Variants in MEP1B observed in about 807,000 individuals in gnomAD.
The protein encoded by MEP1B is N-benzoyl-L-tyrosyl-P-amino-benzoic acid hydrolase subunit beta.
Under a neutral mutation model 84.6 loss-of-function variants are expected in MEP1B, and 80 were observed. The observed-to-expected ratio is 0.95, with a 90% CI of 0.79 to 1.14. The LOEUF (loss-of-function observed/expected upper bound fraction) is 1.14. Among genes scored for constraint, MEP1B ranks in the 50% most tolerant of loss-of-function variants. MEP1B has a pLI of 0.00. For synonymous variants in MEP1B, 273 were observed against 288.1 expected, an observed-to-expected ratio of 0.95 and a Z score of 0.53; for missense variants, 766 against 855.1, an observed-to-expected ratio of 0.90 and a Z score of 1.30.
At position 32,202,910 on chromosome 18, in the gene MEP1B, G is replaced by A; in HGVS notation, c.268G>A (p.Val90Ile). The A allele has an allele frequency of 6.2e-7, 1 of 1,608,294 alleles. No homozygotes were observed. Among genetic ancestry groups the A allele is most frequent in the Non-Finnish European group, 8.5e-7 (1 of 1,175,948 alleles). ...EDSLEMNAKG[V>I]ILNAFERYRL... ...TCCTTCAGAAATGAATGCTAAGGGA[G>A]TTATCCTCAATGCATTTGAACGTTA... Residue 90 changes from valine to isoleucine, a missense_variant, in exon 6 of 15, where the codon GTT becomes ATT. Transcript: ENST00000269202.
In MEP1B at chr18:32,216,985, TC is replaced by T; in HGVS notation, c.1760-4del. 1 of 1,613,750 alleles carries T rather than the reference TC, an allele frequency of 6.2e-7. No homozygotes were observed. Among genetic ancestry groups the T allele is most frequent in the Non-Finnish European group, 8.5e-7 (1 of 1,179,744 alleles). On this transcript the variant is annotated splice_region_variant and splice_polypyrimidine_tract_variant and intron_variant, in intron 12 of 14. Transcript: ENST00000269202. ...TTTCCATCCACACTCTTCCCCATCT[TC>T]CTAGACATATCTCACCTCAACTCTA...
chr18:32,207,508 G>A lies in MEP1B; in HGVS notation c.766+38G>A, dbSNP rs150881840. On this transcript the variant is annotated intron_variant, in intron 8 of 14. Coordinates refer to ENST00000269202, the MANE Select transcript of MEP1B (RefSeq NM_005925.3). ...TTCTTTGAAATGACTTATATTTTCC[G>A]CTGTTATGTAGGAAAAAATGATGGT... 651 of 1,414,712 alleles carry A rather than the reference G, an allele frequency of 4.6e-4. 3 individuals are homozygous for A. The African/African-American group carries it at 7.8e-3, about 17-fold the overall frequency. The allele number at this position is 1,414,712 out of a possible 1,614,324, so 87.6% of individuals were successfully genotyped here.
chr18:32,214,632 T>C (rs1312266770), intron 11 of MEP1B, among the ~76,000 whole-genome samples: 2 of 152,222 alleles, frequency 1.3e-5, no homozygotes, highest in Non-Finnish European at 2.9e-5. Flanking sequence ...AGGTGAATAA[T>C]TCAGTTAATA....
chr18:32,210,058 T>C (rs893876513), intron 9 of MEP1B, among the ~76,000 whole-genome samples: 5 of 152,240 alleles, frequency 3.3e-5, no homozygotes, highest in African/African-American at 1.2e-4. Flanking sequence ...TGTCCAATGG[T>C]AGCTCTTTCC....
At chr18:32,219,046 TG>T (rs1363402241) in intron 14 of MEP1B, among the ~76,000 whole-genome samples, 5 of 152,176 alleles carry the variant, frequency 3.3e-5, no homozygotes, top group African/African-American at 1.2e-4. Flanking sequence ...TCATTCCAAT[TG>T]GAGTCTCTGA....
chr18:32,193,397 G>T (rs1397981539), intron 4 of MEP1B, among the ~76,000 whole-genome samples: 1 of 152,050 alleles, frequency 6.6e-6, no homozygotes, highest in Non-Finnish European at 1.5e-5. Flanking sequence ...GTTTTTTTCA[G>T]TGTTCTCTCA....
At chr18:32,212,152 G>A (rs1196568686) in intron 10 of MEP1B, among the ~76,000 whole-genome samples, 2 of 150,344 alleles carry the variant, frequency 1.3e-5, no homozygotes, top group African/African-American at 4.9e-5. Context: ...TTGATATAAT[G>A]TATCTGTAAT....
intron 2 of MEP1B, 89 bp downstream of exon 2, chr18:32,191,929 TG>T: frequency 4.2e-5 from 32 of 763,494 alleles, no homozygotes; most frequent in Non-Finnish European, 6.1e-5. Context: ...TATGCATAAT[TG>T]ATGCATAATT....
At chr18:32,197,153 C>T (rs79371688) in intron 5 of MEP1B, among the ~76,000 whole-genome samples, 2,512 of 152,236 alleles carry the variant, frequency 0.017, 92 homozygotes, top group African/African-American at 0.056. Context: ...TCTTTTCATA[C>T]AGTAAATAAT....
In MEP1B at chr18:32,208,112, T is replaced by A; in HGVS notation, c.767-7T>A. Reference sequence around the variant, plus strand: ...GAGTGTCAATAATTGTTTTTTGCTTTTTGTAGCCTCTTCCTTGAGTTTTAT... The same window carrying A: ...GAGTGTCAATAATTGTTTTTTGCTTATTGTAGCCTCTTCCTTGAGTTTTAT... On this transcript the variant is annotated splice_region_variant and splice_polypyrimidine_tract_variant and intron_variant, in intron 8 of 14. Transcript: ENST00000269202. 1 of 1,613,092 alleles carries A rather than the reference T, an allele frequency of 6.2e-7. No individual in the cohort carries two copies. Among genetic ancestry groups the A allele is most frequent in the Non-Finnish European group, 8.5e-7 (1 of 1,179,288 alleles).
Position 32,202,923 on chromosome 18 carries a change from C to T in MEP1B, c.281C>T (p.Ala94Val), listed in dbSNP as rs753665918. The T allele has an allele frequency of 3.7e-6, 6 of 1,611,232 alleles. No homozygotes were observed. Among genetic ancestry groups the T allele is most frequent in the Admixed American group, 1.7e-5 (1 of 59,852 alleles). The change falls in exon 6 of 15, where the codon GCA (alanine) becomes GTA (valine). Residue 94 changes from alanine (A) to valine (V), a missense_variant. By Grantham distance (64) the Ala-to-Val change is moderately conservative. Coordinates refer to ENST00000269202, the MANE Select transcript of MEP1B (RefSeq NM_005925.3). ...AATGCTAAGGGAGTTATCCTCAATG[C>T]ATTTGAACGTTATCGCCTTAAAACA... ...EMNAKGVILN[A>V]FERYRLKTCI...
intron 5 of MEP1B, 72 bp from the exon 6 acceptor site, chr18:32,202,821 C>A: frequency 1.1e-6 from 1 of 902,540 alleles, no homozygotes; most frequent in Non-Finnish European, 1.8e-6. Context: ...ATTGCAGTGG[C>A]CTGCTTCCAT....
chr18:32,208,792 A>G (rs757551091), intron 9 of MEP1B, among the ~76,000 whole-genome samples: 40 of 152,322 alleles, frequency 2.6e-4, no homozygotes, highest in East Asian at 9.6e-4. Flanking sequence ...ACAAGGACCA[A>G]ATTTTTACGT....
rs761907911 is a variant in MEP1B at position 32,215,168 on chromosome 18, G to C, written c.1666G>C (p.Gly556Arg). 17 of 1,611,714 alleles carry C rather than the reference G, an allele frequency of 1.1e-5. No homozygotes were observed. The highest frequency in any genetic ancestry group is 1.4e-5 in the Non-Finnish European group (17 of 1,178,416). ...SNGTQFRRGG[G>R]YGTSAFITHE... is the part of the protein sequence containing the mutation. ...TGGAACTCAGTTTAGAAGAGGTGGG[G>C]GCTATGGAACCAGTGCCTTTATAAC... is the stretch of plus-strand genomic sequence containing the variant. The change falls in exon 12 of 15, where the codon GGC becomes CGC. Residue 556 changes from glycine to arginine, a missense_variant. Gly to Arg is a moderately radical substitution (Grantham distance 125). Coordinates refer to ENST00000269202, the MANE Select transcript of MEP1B (RefSeq NM_005925.3).
At chr18:32,213,745 C>A (rs335517) in intron 11 of MEP1B, among the ~76,000 whole-genome samples, 186 bp downstream of exon 11, 3 of 151,964 alleles carry the variant, frequency 2.0e-5, no homozygotes, top group Admixed American at 6.6e-5. Flanking sequence ...GAGCTCATCA[C>A]AAATGTCAGC....
intron 5 of MEP1B, 38 bp downstream of exon 5, chr18:32,195,523 A>G (rs1293068767): frequency 2.3e-6 from 3 of 1,301,726 alleles, no homozygotes; most frequent in Admixed American, 3.8e-5. Flanking sequence ...ACTAATGTCT[A>G]TTTCTGACAA....
chr18:32,212,274 T>C (rs1412131728), intron 10 of MEP1B, among the ~76,000 whole-genome samples: 1 of 152,136 alleles, frequency 6.6e-6, no homozygotes, highest in African/African-American at 2.4e-5. Context: ...TTATTTTCTG[T>C]CATTTGGGTA....
Position 32,207,411 on chromosome 18 carries a change from G to T in MEP1B, c.707G>T (p.Gly236Val), listed in dbSNP as rs1230088504. 6.2e-7 allele frequency: 1 copy of T among 1,613,066 alleles called. No individual in the cohort carries two copies. Among genetic ancestry groups the T allele is most frequent in the Non-Finnish European group, 8.5e-7 (1 of 1,179,610 alleles). Residue 236 changes from glycine to valine, a missense_variant, in exon 8 of 15, where the codon GGC (glycine) becomes GTC (valine). By Grantham distance (109) the Gly-to-Val change is moderately radical. Coordinates refer to ENST00000269202, the MANE Select transcript of MEP1B (RefSeq NM_005925.3). ...ATCTCAGACTTTGAGGATGTGATCG[G>T]CCAACGAATGGATTTCAGTGACTCT... ...TRISDFEDVI[G>V]QRMDFSDSDL...
intron 2 of MEP1B, 21 bp downstream of exon 2, chr18:32,191,861 G>T (rs1036514521): frequency 1.3e-6 from 2 of 1,498,146 alleles, no homozygotes; most frequent in African/African-American, 1.4e-5. Flanking sequence ...TTTGAGTTTT[G>T]TTCTAGGTTA....
Sources: allele counts gnomAD v4.1 joint callset (sites outside exome capture counted in the v4.1 genomes callset), GRCh38; gene constraint gnomAD v4.1.1; transcripts MANE v1.5; gene names NCBI Gene and HGNC (gene_info 2026-07-23, HGNC 2026-07-21).